The following KCNQ5 variants were observed in gnomAD, a reference collection of about 807,000 sequenced individuals.
The protein encoded by KCNQ5 is potassium voltage-gated channel subfamily KQT member 5.
KCNQ5 carries 30 observed loss-of-function variants against 98.2 expected under a neutral mutation model. The observed-to-expected ratio is 0.31, with a 90% CI of 0.23 to 0.41. The LOEUF (loss-of-function observed/expected upper bound fraction) is 0.41. Among genes scored for constraint, KCNQ5 ranks in the 10% least tolerant of loss-of-function variants. KCNQ5 has a pLI of 1.00. For synonymous variants in KCNQ5, 458 were observed against 449.4 expected (o/e 1.02, Z -0.24); for missense variants, 835 against 1,182.5 (o/e 0.71, Z 4.31).
At chr6:73,097,417 A>AATT (rs1562176815) in intron 5 of KCNQ5, among the ~76,000 whole-genome samples, 1 of 152,128 alleles carries the variant, frequency 6.6e-6, no homozygotes, top group Non-Finnish European at 1.5e-5. Flanking sequence ...ATCCTCAACA[A>AATT]ATTAGGTACA....
intron 1 of KCNQ5, among the ~76,000 whole-genome samples, chr6:72,721,059 T>C (rs965911899): frequency 6.6e-6 from 1 of 152,170 alleles, no homozygotes; most frequent in Admixed American, 6.5e-5. Flanking sequence ...TTCCTACCTA[T>C]GTGATAATGG....
At chr6:73,186,872 G>A (rs1013099140) in intron 11 of KCNQ5, among the ~76,000 whole-genome samples, 9 of 151,764 alleles carry the variant, frequency 5.9e-5, no homozygotes, top group East Asian at 1.9e-4. Flanking sequence ...TACATGTGCC[G>A]TGTTGGTGTG....
rs1562139201 is a variant in KCNQ5, at chr6:73,034,854, T to TTC, written c.490-7081_490-7080insCT. On this transcript the variant is annotated intron_variant, in intron 2 of 13. Transcript: ENST00000370398. ...TGCCTCTTTTCTTTTTTTTTTTTTT[T>TTC]TTTTTTTTTGAGACAGTATCTCGCT... Among the ~76,000 whole-genome samples the TTC allele has an allele frequency of 1.2e-3, 181 of 149,522 alleles. 1 individual carries two copies. The highest frequency in any genetic ancestry group is 4.3e-3 in the African/African-American group (173 of 40,532).
intron 3 of KCNQ5, among the ~76,000 whole-genome samples, chr6:73,070,196 A>T (rs1773240874): frequency 6.6e-6 from 1 of 152,218 alleles, no homozygotes. Flanking sequence ...GTTTACAATA[A>T]TTGATACTAC....
chr6:72,639,622 T>C (rs1001327045), intron 1 of KCNQ5, among the ~76,000 whole-genome samples: 5 of 152,060 alleles, frequency 3.3e-5, no homozygotes, highest in Non-Finnish European at 5.9e-5. Flanking sequence ...ACCAGGGATA[T>C]CTGGTTGGAA....
intron 1 of KCNQ5, among the ~76,000 whole-genome samples, chr6:72,669,534 A>G (rs1766993646): frequency 6.6e-6 from 1 of 152,192 alleles, no homozygotes; most frequent in African/African-American, 2.4e-5. Context: ...GAAACCAAGC[A>G]GGAAAGAGCC....
chr6:73,117,283 T>C (rs1254585043), intron 7 of KCNQ5, among the ~76,000 whole-genome samples: 1 of 152,210 alleles, frequency 6.6e-6, no homozygotes, highest in Non-Finnish European at 1.5e-5. Flanking sequence ...AAAATAAAGT[T>C]ATTAGAGTGT....
At chr6:73,078,362 T>C (rs1289826670) in intron 5 of KCNQ5, among the ~76,000 whole-genome samples, 1 of 152,072 alleles carries the variant, frequency 6.6e-6, no homozygotes, top group Non-Finnish European at 1.5e-5. Context: ...GAGATTATAG[T>C]CACCTAATTT....
At chr6:73,012,909 GTGAAAATTAGA>G (rs1293859964) in intron 2 of KCNQ5, among the ~76,000 whole-genome samples, 1 of 151,964 alleles carries the variant, frequency 6.6e-6, no homozygotes, top group Admixed American at 6.6e-5. Flanking sequence ...TAAGGCTGAT[GTGAAAATTAGA>G]TAAATTCAAG....
Position 73,136,502 on chromosome 6 carries a change from C to T in KCNQ5, c.1468+2861C>T, listed in dbSNP as rs548128737. 6 of 152,298 alleles carry T rather than the reference C, an allele frequency of 3.9e-5. No individual in the cohort carries two copies. In the East Asian group the frequency reaches 7.7e-4, roughly 20 times the overall value. The allele number at this position is 152,298 out of a possible 1,614,324, so 9.4% of individuals were successfully genotyped here. ...CATCTATTTTCTAGGTCATTTCATACGAGTACAGTTTTGTTTGTTTACAAA... is the reference window on the plus strand; with the variant it reads ...CATCTATTTTCTAGGTCATTTCATATGAGTACAGTTTTGTTTGTTTACAAA... On this transcript the variant is annotated intron_variant, in intron 10 of 13. Coordinates refer to ENST00000370398, the MANE Select transcript of KCNQ5 (RefSeq NM_019842.4).
intron 1 of KCNQ5, among the ~76,000 whole-genome samples, chr6:72,849,108 GTACACA>G (rs2150140437): frequency 7.6e-6 from 1 of 132,262 alleles, no homozygotes; most frequent in Admixed American, 7.3e-5. Context: ...AGTAGCGTAT[GTACACA>G]TACACACACA....
At chr6:73,053,024 T>C (rs1772314219) in intron 3 of KCNQ5, among the ~76,000 whole-genome samples, 1 of 152,092 alleles carries the variant, frequency 6.6e-6, no homozygotes, top group African/African-American at 2.4e-5. Context: ...GTGACACACA[T>C]AGGATCAAAC....
chr6:73,064,349 G>C (rs567432892), intron 3 of KCNQ5, among the ~76,000 whole-genome samples: 1 of 152,184 alleles, frequency 6.6e-6, no homozygotes, highest in East Asian at 1.9e-4. Context: ...TTATAAATTA[G>C]GTATTGTAGT....
intron 1 of KCNQ5, among the ~76,000 whole-genome samples, chr6:72,873,600 A>G (rs1472192248): frequency 1.3e-5 from 2 of 152,180 alleles, no homozygotes; most frequent in South Asian, 2.1e-4. Context: ...GGCAACTGGC[A>G]CAATGGCTTT....
intron 3 of KCNQ5, among the ~76,000 whole-genome samples, chr6:73,062,856 A>C (rs989070214): frequency 2.0e-5 from 3 of 152,092 alleles, no homozygotes; most frequent in African/African-American, 7.2e-5. Flanking sequence ...TGTTTTAAAT[A>C]TTTGATTTTA....
chr6:72,834,691 G>A (rs149862338), intron 1 of KCNQ5, among the ~76,000 whole-genome samples: 15 of 152,028 alleles, frequency 9.9e-5, no homozygotes, highest in Non-Finnish European at 5.9e-5. Context: ...CTTCTTTTAC[G>A]TGGAAATAGA....
intron 1 of KCNQ5, among the ~76,000 whole-genome samples, chr6:72,761,649 CATTTT>C (rs1195203402): frequency 6.6e-6 from 1 of 151,348 alleles, no homozygotes; most frequent in Non-Finnish European, 1.5e-5. Flanking sequence ...CTTTATATGT[CATTTT>C]GTTTTATTTC....
At chr6:73,053,141 A>G (rs1349086316) in intron 3 of KCNQ5, among the ~76,000 whole-genome samples, 1 of 152,252 alleles carries the variant, frequency 6.6e-6, no homozygotes, top group Non-Finnish European at 1.5e-5. Flanking sequence ...AAATCAAAAA[A>G]GATAAAGAAA....
chr6:72,948,718 G>A (rs906251006), intron 1 of KCNQ5, among the ~76,000 whole-genome samples: 15 of 152,050 alleles, frequency 9.9e-5, no homozygotes, highest in African/African-American at 3.6e-4. Context: ...TATGCCAAGA[G>A]TTCATTATCA....
Sources: allele counts gnomAD v4.1 joint callset (sites outside exome capture counted in the v4.1 genomes callset), GRCh38; gene constraint gnomAD v4.1.1; transcripts MANE v1.5; gene names NCBI Gene and HGNC (gene_info 2026-07-23, HGNC 2026-07-21).